FAM178B: variants seen among roughly 807,000 people sequenced by gnomAD.
FAM178B encodes the protein family with sequence similarity 178 member B.
Under a neutral mutation model 91.7 loss-of-function variants are expected in FAM178B, and 82 were observed. That is an observed-to-expected ratio of 0.89 (90% CI 0.75 to 1.07). The LOEUF (loss-of-function observed/expected upper bound fraction) is 1.07. Ranked by LOEUF, FAM178B falls within the 50% of genes least tolerant of loss-of-function variation. The probability of loss-of-function intolerance (pLI) is 0.00; values close to 1 mark genes in which losing one functional copy is unlikely to be tolerated. For missense variants in FAM178B, 769 were observed against 846.7 expected (o/e 0.91, Z 1.14); for synonymous variants, 368 against 359.4 (o/e 1.02, Z -0.27).
At chr2:96,913,560 G>A (rs897596647) in intron 12 of FAM178B, among the ~76,000 whole-genome samples, 1 of 152,200 alleles carries the variant, frequency 6.6e-6, no homozygotes, top group South Asian at 2.1e-4. Context: ...GTGCATCTGC[G>A]CCTGTCCCAG....
At chr2:96,905,818 G>GTGTGTATA (rs1260782317) in intron 12 of FAM178B, among the ~76,000 whole-genome samples, 2 of 34,200 alleles carry the variant, frequency 5.8e-5, no homozygotes, top group East Asian at 1.0e-3. Context: ...ATATATGTGT[G>GTGTGTATA]TATATATATA....
chr2:96,880,778 T>C (rs984749444), intron 14 of FAM178B, among the ~76,000 whole-genome samples: 1 of 152,144 alleles, frequency 6.6e-6, no homozygotes, highest in East Asian at 1.9e-4. Flanking sequence ...GTATTTTCAG[T>C]GGAGACGGGG....
intron 5 of FAM178B, among the ~76,000 whole-genome samples, chr2:96,965,445 G>A (rs533695518): frequency 7.3e-5 from 11 of 151,608 alleles, no homozygotes; most frequent in African/African-American, 2.2e-4. Flanking sequence ...AGCATGTAGC[G>A]CAGTCAATCA....
At position 96,923,550 on chromosome 2, in the gene FAM178B, A is replaced by G. The variant is rs952945784; in HGVS notation, c.1227T>C (p.Asn409=). Residue 409 remains asparagine (N), a synonymous_variant, in exon 10 of 17, where the codon AAT becomes AAC. Coordinates refer to ENST00000490605, the MANE Select transcript of FAM178B (RefSeq NM_001122646.3). ...VLPGEAGLNE[N]EEQDAPQEIA... ...TCTCTTGGGGAGCGTCCTGCTCCTCATTCTCATTCAGGCCAGCCTCGCCTG... is the reference window on the plus strand; with the variant it reads ...TCTCTTGGGGAGCGTCCTGCTCCTCGTTCTCATTCAGGCCAGCCTCGCCTG... 4.8e-5 allele frequency: 74 copies of G among 1,551,562 alleles called. No homozygotes were observed. The highest frequency in any genetic ancestry group is 5.9e-5 in the Non-Finnish European group (68 of 1,146,988).
intron 8 of FAM178B, among the ~76,000 whole-genome samples, chr2:96,939,800 A>G (rs1380024765): frequency 6.6e-6 from 1 of 152,134 alleles, no homozygotes; most frequent in African/African-American, 2.4e-5. Flanking sequence ...CAATAATGGT[A>G]TCTACTTGTA....
intron 13 of FAM178B, among the ~76,000 whole-genome samples, chr2:96,894,622 AC>A (rs1212288655): frequency 5.4e-5 from 1 of 18,404 alleles, no homozygotes; most frequent in Non-Finnish European, 9.9e-5. Context: ...ACACCCACTC[AC>A]CCCCCCACAG....
chr2:96,964,489 T>C (rs1165272882), intron 5 of FAM178B, among the ~76,000 whole-genome samples: 1 of 152,098 alleles, frequency 6.6e-6, no homozygotes, highest in African/African-American at 2.4e-5. Flanking sequence ...CGGGGTGTAT[T>C]GCCTGACCCA....
intron 13 of FAM178B, among the ~76,000 whole-genome samples, chr2:96,899,360 C>T (rs2080883106): frequency 6.6e-6 from 1 of 152,196 alleles, no homozygotes; most frequent in African/African-American, 2.4e-5. Context: ...GTGCTGTCTC[C>T]CCAGTGCCAG....
At chr2:96,912,688 G>A (rs373603209) in intron 12 of FAM178B, among the ~76,000 whole-genome samples, 56 of 152,310 alleles carry the variant, frequency 3.7e-4, no homozygotes, top group African/African-American at 1.3e-3. Context: ...CCCTCCTGGC[G>A]ATCATGGCCT....
chr2:96,923,667 GC>G, intron 9 of FAM178B, 84 bp from the exon 10 acceptor site: 1 of 975,974 alleles, frequency 1.0e-6, no homozygotes, highest in Non-Finnish European at 1.6e-6. Context: ...GGACACTGCT[GC>G]CCTGAGGCTG....
intron 1 of FAM178B, among the ~76,000 whole-genome samples, chr2:96,974,697 T>C (rs1156978485): frequency 1.3e-5 from 2 of 151,956 alleles, no homozygotes; most frequent in Non-Finnish European, 2.9e-5. Context: ...AAAAGAAAGC[T>C]CGGGTAGTTA....
intron 5 of FAM178B, among the ~76,000 whole-genome samples, chr2:96,967,103 A>G (rs528684988): frequency 3.4e-4 from 52 of 152,298 alleles, no homozygotes; most frequent in South Asian, 3.3e-3. Context: ...CAATGGCCCA[A>G]TTAAATCAGG....
intron 10 of FAM178B, among the ~76,000 whole-genome samples, chr2:96,922,179 T>G (rs2081352728): frequency 6.6e-6 from 1 of 152,172 alleles, no homozygotes; most frequent in Non-Finnish European, 1.5e-5. Flanking sequence ...TGTCAGGAAG[T>G]TACCCTATAT....
chr2:96,949,242 C>A (rs1175418961), intron 7 of FAM178B, among the ~76,000 whole-genome samples: 1 of 152,142 alleles, frequency 6.6e-6, no homozygotes, highest in Admixed American at 6.5e-5. Context: ...CCAAGAACAT[C>A]GAAGGAGCAG....
intron 1 of FAM178B, among the ~76,000 whole-genome samples, chr2:96,981,740 CAAAAAAAA>C (rs377081384): frequency 5.3e-5 from 1 of 18,720 alleles, no homozygotes. Context: ...GACTCCGTCT[CAAAAAAAA>C]AAAAAAAAAA....
intron 1 of FAM178B, chr2:96,977,995 C>T (rs191875336): frequency 4.6e-6 from 2 of 432,966 alleles, no homozygotes; most frequent in East Asian, 1.4e-4. Context: ...TGAAGTCCAT[C>T]AGAGGAGAAA....
At chr2:96,969,499 C>G (rs991001108) in intron 4 of FAM178B, among the ~76,000 whole-genome samples, 44 of 152,296 alleles carry the variant, frequency 2.9e-4, no homozygotes, top group Admixed American at 2.9e-3. Flanking sequence ...ATTGTTTAAG[C>G]CCCCAGTGTG....
intron 12 of FAM178B, among the ~76,000 whole-genome samples, chr2:96,904,369 A>AT (rs2080990774): frequency 6.6e-6 from 1 of 151,818 alleles, no homozygotes; most frequent in Non-Finnish European, 1.5e-5. Flanking sequence ...GCATGGTCTC[A>AT]TTTTTTGTTT....
At chr2:96,967,794 C>T (rs936263648) in intron 4 of FAM178B, among the ~76,000 whole-genome samples, 167 bp from the exon 5 acceptor site, 3 of 151,894 alleles carry the variant, frequency 2.0e-5, no homozygotes, top group South Asian at 2.1e-4. Context: ...GCAATGGGGA[C>T]GGGTTGCATT....
Sources: gnomAD v4.1 joint callset for allele counts (sites outside exome capture counted in the v4.1 genomes callset) on GRCh38, gnomAD v4.1.1 for gene constraint, MANE v1.5 for transcripts, NCBI Gene and HGNC (gene_info 2026-07-23, HGNC 2026-07-21) for gene names.